BCAT1: variants seen among roughly 807,000 people sequenced by gnomAD.
The protein encoded by BCAT1 is branched-chain-amino-acid aminotransferase, cytosolic.
BCAT1 carries 48 observed loss-of-function variants against 52.4 expected under a neutral mutation model. That is an observed-to-expected ratio of 0.92 (90% CI 0.73 to 1.16). BCAT1 has a LOEUF of 1.16. Among genes scored for constraint, BCAT1 ranks in the 50% most tolerant of loss-of-function variants. The pLI is 0.00. For synonymous variants in BCAT1, 167 were observed against 161.3 expected, an observed-to-expected ratio of 1.04 and a Z score of -0.27; for missense variants, 451 against 457.1, an observed-to-expected ratio of 0.99 and a Z score of 0.12.
intron 1 of BCAT1, among the ~76,000 whole-genome samples, chr12:24,921,094 A>G (rs1289745048): frequency 6.6e-6 from 1 of 151,956 alleles, no homozygotes; most frequent in Non-Finnish European, 1.5e-5. Context: ...GGTAAAAAAC[A>G]CTTCTTAGAA....
intron 3 of BCAT1, among the ~76,000 whole-genome samples, chr12:24,883,156 T>C (rs1798306247): frequency 6.6e-6 from 1 of 152,006 alleles, no homozygotes. Context: ...CATGGTAGCA[T>C]GTGCCTGTAG....
At chr12:24,916,094 G>A (rs560594999) in intron 1 of BCAT1, among the ~76,000 whole-genome samples, 2 of 152,200 alleles carry the variant, frequency 1.3e-5, no homozygotes, top group Non-Finnish European at 2.9e-5. Flanking sequence ...AGGAAGCAGA[G>A]GTTTCAGTGA....
intron 5 of BCAT1, among the ~76,000 whole-genome samples, chr12:24,877,205 C>T (rs899763994): frequency 2.0e-5 from 3 of 152,158 alleles, no homozygotes; most frequent in African/African-American, 4.8e-5. Context: ...CTGGTAACCC[C>T]GCAACACTTA....
chr12:24,948,647 G>A (rs1243011386), intron 1 of BCAT1, among the ~76,000 whole-genome samples: 1 of 152,184 alleles, frequency 6.6e-6, no homozygotes, highest in African/African-American at 2.4e-5. Flanking sequence ...ACAAGCAGGG[G>A]AGGGAGCTGT....
chr12:24,828,270 T>C (rs1406960067), intron 10 of BCAT1, among the ~76,000 whole-genome samples: 2 of 152,268 alleles, frequency 1.3e-5, no homozygotes, highest in East Asian at 3.8e-4. Flanking sequence ...CAAAGTCTTC[T>C]AACTTGTGAA....
intron 5 of BCAT1, among the ~76,000 whole-genome samples, chr12:24,861,299 T>C (rs1360533274): frequency 2.0e-5 from 3 of 152,210 alleles, no homozygotes; most frequent in Non-Finnish European, 4.4e-5. Flanking sequence ...AGCAACCCCA[T>C]ATAAGCTTGG....
chr12:24,830,409 A>G (rs1306152067), intron 9 of BCAT1: 7 of 152,234 alleles, frequency 4.6e-5, no homozygotes, highest in Non-Finnish European at 1.0e-4. Flanking sequence ...CTCTGGCCCA[A>G]GGTAAACTTC....
At chr12:24,855,442 G>A (rs1466898780) in intron 5 of BCAT1, among the ~76,000 whole-genome samples, 1 of 151,974 alleles carries the variant, frequency 6.6e-6, no homozygotes, top group Non-Finnish European at 1.5e-5. Flanking sequence ...GTGCAGTGGC[G>A]CAATCTTGGC....
At chr12:24,902,166 C>G in intron 1 of BCAT1, 3 of 1,434,132 alleles carry the variant, frequency 2.1e-6, no homozygotes, top group Non-Finnish European at 1.8e-6. Flanking sequence ...CCCTACAGAG[C>G]CAGGGTTCGC....
At chr12:24,924,758 C>T (rs1591880077) in intron 1 of BCAT1, among the ~76,000 whole-genome samples, 2 of 152,134 alleles carry the variant, frequency 1.3e-5, no homozygotes, top group South Asian at 4.2e-4. Context: ...TTGAGGTCAG[C>T]TAGGGAAAAT....
At chr12:24,905,316 G>T (rs1943208171) in intron 1 of BCAT1, among the ~76,000 whole-genome samples, 1 of 152,188 alleles carries the variant, frequency 6.6e-6, no homozygotes, top group African/African-American at 2.4e-5. Flanking sequence ...ATAAAAACTG[G>T]TTCAAAGAAC....
chr12:24,812,966 T>C lies in BCAT1; in HGVS notation c.*5042A>G, dbSNP rs1427271207. The C allele has an allele frequency of 2.0e-5, 3 of 151,938 alleles. No homozygotes were observed. Among genetic ancestry groups the C allele is most frequent in the Non-Finnish European group, 4.4e-5 (3 of 67,888 alleles). The allele number at this position is 151,938 out of a possible 1,614,324, so 9.4% of individuals were successfully genotyped here. On this transcript the variant is annotated 3_prime_UTR_variant, in exon 11 of 11. Coordinates refer to ENST00000261192, the MANE Select transcript of BCAT1 (RefSeq NM_005504.7). ...ATTGGGTCTATTGTAGAATGAAAAA[T>C]ACACTTTCAGACAGAATAAGATGAC...
intron 5 of BCAT1, among the ~76,000 whole-genome samples, chr12:24,870,937 C>A (rs190762398): frequency 7.5e-4 from 114 of 152,054 alleles, no homozygotes; most frequent in South Asian, 4.1e-3. Context: ...GCAGGAGAAT[C>A]GCTTGAATTT....
rs1194118065 is a variant in BCAT1, at chr12:24,814,887, A to C, written c.*3121T>G. 1 of 149,164 alleles carries C rather than the reference A, an allele frequency of 6.7e-6. No homozygotes were observed. Among genetic ancestry groups the C allele is most frequent in the Admixed American group, 6.8e-5 (1 of 14,786 alleles). The allele number at this position is 149,164 out of a possible 1,614,324, so 9.2% of individuals were successfully genotyped here. ...AGAGAATGTTTACCAGGTAGAAAAA[A>C]CCTGATTCCTTAACAAGACTTCTCA... is the stretch of plus-strand genomic sequence containing the variant. On this transcript the variant is annotated 3_prime_UTR_variant, in exon 11 of 11. Coordinates refer to ENST00000261192, the MANE Select transcript of BCAT1 (RefSeq NM_005504.7).
intron 1 of BCAT1, among the ~76,000 whole-genome samples, chr12:24,923,256 C>T (rs184327053): frequency 6.6e-6 from 1 of 152,348 alleles, no homozygotes; most frequent in East Asian, 1.9e-4. Context: ...AGACACCAGA[C>T]AAGGGCCAAC....
In BCAT1 at chr12:24,836,224, C is replaced by A. The variant is rs374929700; in HGVS notation, c.903+287G>T. 1.9e-3 allele frequency among the ~76,000 whole-genome samples: 284 copies of A among 152,298 alleles called. 1 individual carries two copies. Among genetic ancestry groups the A allele is most frequent in the African/African-American group, 6.7e-3 (278 of 41,564 alleles). On this transcript the variant is annotated intron_variant, in intron 8 of 10. Coordinates refer to ENST00000261192, the MANE Select transcript of BCAT1 (RefSeq NM_005504.7). ...GGAAGCACATCAGGTATGAACCAGA[C>A]AAAAGTTGGTGGGAGATACCTGGTA...
intron 3 of BCAT1, among the ~76,000 whole-genome samples, chr12:24,882,958 G>T (rs956141307): frequency 6.6e-6 from 1 of 151,964 alleles, no homozygotes; most frequent in Admixed American, 6.6e-5. Context: ...TAAAACAAAA[G>T]AATTTAAGCC....
chr12:24,819,237 G>A (rs1940010198), intron 10 of BCAT1, among the ~76,000 whole-genome samples: 1 of 151,960 alleles, frequency 6.6e-6, no homozygotes, highest in African/African-American at 2.4e-5. Context: ...CCAAGCCAGT[G>A]TATCAGGCCA....
intron 1 of BCAT1, among the ~76,000 whole-genome samples, chr12:24,938,864 CTATT>C (rs10662028): frequency 3.7e-4 from 55 of 150,154 alleles, no homozygotes; most frequent in Admixed American, 1.9e-3. Flanking sequence ...ATTGCCTTTG[CTATT>C]TATTTATTTA....
Sources: allele counts gnomAD v4.1 joint callset (sites outside exome capture counted in the v4.1 genomes callset), GRCh38; gene constraint gnomAD v4.1.1; transcripts MANE v1.5; gene names NCBI Gene and HGNC (gene_info 2026-07-23, HGNC 2026-07-21).